The following DNAJC1 variants were observed in gnomAD, a reference collection of about 807,000 sequenced individuals.
DNAJC1 encodes DnaJ heat shock protein family (Hsp40) member C1, also known as dnaJ homolog subfamily C member 1.
DNAJC1 carries 58 observed loss-of-function variants against 76.6 expected under a neutral mutation model. That is an observed-to-expected ratio of 0.76 (90% CI 0.61 to 0.94). The LOEUF (loss-of-function observed/expected upper bound fraction) is 0.94. DNAJC1 is among the 40% of genes least tolerant of loss of function. The pLI is 0.00. For synonymous variants in DNAJC1, 258 were observed against 267.9 expected, an observed-to-expected ratio of 0.96 and a Z score of 0.36; for missense variants, 689 against 677.3, an observed-to-expected ratio of 1.02 and a Z score of -0.19.
chr10:21,796,021 G>GT (rs528918979), intron 9 of DNAJC1, among the ~76,000 whole-genome samples: 325 of 150,574 alleles, frequency 2.2e-3, no homozygotes, highest in African/African-American at 7.3e-3. Flanking sequence ...CCAGGCTGGA[G>GT]TGTAGTGGCA....
At chr10:21,840,698 G>A (rs368490613) in intron 8 of DNAJC1, among the ~76,000 whole-genome samples, 1 of 152,044 alleles carries the variant, frequency 6.6e-6, no homozygotes, top group Non-Finnish European at 1.5e-5. Flanking sequence ...TATAGATTCA[G>A]TGCCATCCCC....
At chr10:21,769,377 A>G (rs1834345024) in intron 9 of DNAJC1, among the ~76,000 whole-genome samples, 1 of 152,222 alleles carries the variant, frequency 6.6e-6, no homozygotes, top group African/African-American at 2.4e-5. Context: ...CACAGTAGCA[A>G]TATGAGGTAG....
intron 1 of DNAJC1, among the ~76,000 whole-genome samples, chr10:21,934,152 T>C (rs998482596): frequency 3.9e-5 from 6 of 151,962 alleles, no homozygotes; most frequent in Non-Finnish European, 5.9e-5. Flanking sequence ...TTAATGATCA[T>C]GATCCTGTGT....
At position 21,771,623 on chromosome 10, in the gene DNAJC1, G is replaced by A. The variant is rs183161011; in HGVS notation, c.1099-5314C>T. ...AGTGATTCTCCTGCCTCAGCCTCCC[G>A]AGTAGCTGGGATTACAGGTGCGTGC... On this transcript the variant is annotated intron_variant, in intron 9 of 11. Coordinates refer to ENST00000376980, the MANE Select transcript of DNAJC1 (RefSeq NM_022365.4). 5.4e-4 allele frequency among the ~76,000 whole-genome samples: 82 copies of A among 151,994 alleles called. 2 individuals carry two copies. The highest frequency in any genetic ancestry group is 4.5e-3 in the Admixed American group (68 of 15,278).
intron 8 of DNAJC1, among the ~76,000 whole-genome samples, chr10:21,838,118 G>T (rs1835502965): frequency 6.6e-6 from 1 of 152,084 alleles, no homozygotes; most frequent in African/African-American, 2.4e-5. Flanking sequence ...CCCCGTCTGG[G>T]AGGTGTACCC....
At position 22,003,290 on chromosome 10, in the gene DNAJC1, C is replaced by A; in HGVS notation, c.145G>T (p.Glu49Ter). The A allele has an allele frequency of 6.5e-7, 1 of 1,536,048 alleles. No individual in the cohort carries two copies. Among genetic ancestry groups the A allele is most frequent in the African/African-American group, 1.4e-5 (1 of 70,448 alleles). ...LAAVAPARGW[E>*]SGDLELFDLV... ...TCAAACAACTCCAGGTCTCCGCTCT[C>A]CCAGCCGCGCGCCGGCGCCACGGCG... Residue 49 changes from glutamate to a stop codon, truncating the protein, a stop_gained, in exon 1 of 12, where the codon GAG (glutamate) becomes TAG (stop). Coordinates refer to ENST00000376980, the MANE Select transcript of DNAJC1 (RefSeq NM_022365.4). LOFTEE classifies it high-confidence loss of function.
chr10:21,762,302 CATT>C (rs1218748510), intron 10 of DNAJC1, among the ~76,000 whole-genome samples: 18 of 152,262 alleles, frequency 1.2e-4, no homozygotes, highest in Middle Eastern at 3.4e-3. Context: ...CTAAAAACAT[CATT>C]AAGTGACATG....
At chr10:21,809,066 G>A (rs2131643987) in intron 8 of DNAJC1, among the ~76,000 whole-genome samples, 1 of 152,260 alleles carries the variant, frequency 6.6e-6, no homozygotes. Context: ...CCTTTGGGAT[G>A]GATTTTTGCC....
chr10:21,859,706 T>G (rs112052389), intron 8 of DNAJC1, among the ~76,000 whole-genome samples: 505 of 152,234 alleles, frequency 3.3e-3, no homozygotes, highest in Non-Finnish European at 6.0e-3. Flanking sequence ...CAATACTTTG[T>G]GAGATCTTTT....
rs1163632162 is a variant in DNAJC1 at position 21,908,575 on chromosome 10, G to C, written c.730-3963C>G. Among the ~76,000 whole-genome samples the C allele has an allele frequency of 2.0e-5, 3 of 150,840 alleles. No homozygotes were observed. In the South Asian group the frequency reaches 6.3e-4, roughly 31 times the overall value. ...GCACAAAAACTTATTTGGGTCCAGA[G>C]TAAACTCCAGTTTACCTACACAGAA... On this transcript the variant is annotated intron_variant, in intron 6 of 11. Coordinates refer to ENST00000376980, the MANE Select transcript of DNAJC1 (RefSeq NM_022365.4).
chr10:21,842,659 G>A (rs1835592651), intron 8 of DNAJC1, among the ~76,000 whole-genome samples: 1 of 152,222 alleles, frequency 6.6e-6, no homozygotes, highest in South Asian at 2.1e-4. Flanking sequence ...AGAATGAAAT[G>A]AAATGAGGCA....
intron 8 of DNAJC1, among the ~76,000 whole-genome samples, chr10:21,813,014 T>TACAC (rs1834993817): frequency 9.3e-6 from 1 of 107,996 alleles, no homozygotes; most frequent in Non-Finnish European, 1.9e-5. Flanking sequence ...ATAAAAGACA[T>TACAC]ATACACACAC....
intron 8 of DNAJC1, among the ~76,000 whole-genome samples, chr10:21,818,118 T>C (rs2793341): frequency 0.61 from 92,103 of 152,016 alleles, 29,382 homozygotes; most frequent in East Asian, 0.96. Context: ...TTTCTCTTCT[T>C]TCAAAAGCAA....
At chr10:21,852,260 T>C (rs1835768951) in intron 8 of DNAJC1, among the ~76,000 whole-genome samples, 1 of 151,954 alleles carries the variant, frequency 6.6e-6, no homozygotes, top group Admixed American at 6.6e-5. Context: ...AATGAAATAT[T>C]CAGAACAGGT....
chr10:21,902,695 C>T (rs1022756279), intron 7 of DNAJC1, among the ~76,000 whole-genome samples: 4 of 152,032 alleles, frequency 2.6e-5, no homozygotes, highest in East Asian at 1.9e-4. Context: ...TAGTTAACTC[C>T]GAAAGGAGCT....
intron 1 of DNAJC1, among the ~76,000 whole-genome samples, chr10:21,952,376 C>T (rs1837612975): frequency 6.6e-6 from 1 of 152,050 alleles, no homozygotes. Flanking sequence ...TTTTTCTTCA[C>T]TGAATGCTTT....
intron 8 of DNAJC1, chr10:21,865,224 C>T (rs1414388946): frequency 1.3e-5 from 2 of 152,024 alleles, no homozygotes; most frequent in African/African-American, 4.8e-5. Context: ...GCATTTACTC[C>T]AGAAAAATGA....
At chr10:21,945,101 T>A (rs1837483641) in intron 1 of DNAJC1, among the ~76,000 whole-genome samples, 1 of 152,174 alleles carries the variant, frequency 6.6e-6, no homozygotes, top group Admixed American at 6.5e-5. Flanking sequence ...CAAATAGGCA[T>A]GAAGGATATT....
At chr10:21,938,895 T>A (rs1446977748) in intron 1 of DNAJC1, among the ~76,000 whole-genome samples, 1 of 152,008 alleles carries the variant, frequency 6.6e-6, no homozygotes, top group Non-Finnish European at 1.5e-5. Context: ...TTGTTTTTTG[T>A]TTGTTTGTTT....
Sources: gnomAD v4.1 joint callset for allele counts (sites outside exome capture counted in the v4.1 genomes callset) on GRCh38, gnomAD v4.1.1 for gene constraint, MANE v1.5 for transcripts, NCBI Gene and HGNC (gene_info 2026-07-23, HGNC 2026-07-21) for gene names.